The following CEP63 variants were observed in gnomAD, a reference collection of about 807,000 sequenced individuals.
CEP63 encodes the protein centrosomal protein 63.
CEP63 carries 84 observed loss-of-function variants against 89.1 expected under a neutral mutation model. The observed-to-expected ratio is 0.94, with a 90% CI of 0.79 to 1.13. CEP63 has a LOEUF of 1.13. Among genes scored for constraint, CEP63 ranks in the 50% most tolerant of loss-of-function variants. The pLI is 0.00. For missense variants in CEP63, 838 were observed against 813.3 expected (o/e 1.03, Z -0.37); for synonymous variants, 267 against 272.5 (o/e 0.98, Z 0.20).
intron 1 of CEP63, among the ~76,000 whole-genome samples, chr3:134,490,811 C>T (rs1247911413): frequency 6.6e-6 from 1 of 152,076 alleles, no homozygotes; most frequent in African/African-American, 2.4e-5. Context: ...ACATACCTTT[C>T]TTTCTTAGGT....
chr3:134,680,200 G>T, the CEP63 span, among the ~76,000 whole-genome samples: 4 of 152,148 alleles, frequency 2.6e-5, no homozygotes, highest in Non-Finnish European at 5.9e-5. Flanking sequence ...AGAGCTATGA[G>T]AAAACAAATT....
chr3:134,507,616 CTT>C (rs923134201), intron 3 of CEP63, among the ~76,000 whole-genome samples: 2 of 151,924 alleles, frequency 1.3e-5, no homozygotes, highest in Non-Finnish European at 2.9e-5. Flanking sequence ...ATGGAAATTG[CTT>C]TTGGCTTCAC....
chr3:134,734,558 A>T, the CEP63 span, among the ~76,000 whole-genome samples: 1 of 152,226 alleles, frequency 6.6e-6, no homozygotes, highest in Admixed American at 6.5e-5. Flanking sequence ...GCAGATATTT[A>T]AAAAATAAGC....
At chr3:134,654,203 G>T in the CEP63 span, among the ~76,000 whole-genome samples, 1 of 152,142 alleles carries the variant, frequency 6.6e-6, no homozygotes, top group African/African-American at 2.4e-5. Context: ...GCCCTGAGTT[G>T]GTTCTGCTGT....
At chr3:134,614,544 C>A in the CEP63 span, among the ~76,000 whole-genome samples, 1 of 151,902 alleles carries the variant, frequency 6.6e-6, no homozygotes, top group Non-Finnish European at 1.5e-5. Flanking sequence ...ACATGGCCAC[C>A]AAATGTGGCC....
chr3:134,626,571 C>T, the CEP63 span, among the ~76,000 whole-genome samples: 62 of 152,290 alleles, frequency 4.1e-4, no homozygotes, highest in African/African-American at 1.2e-3. Flanking sequence ...TTTGCCCACA[C>T]GTCGTCAGGG....
intron 10 of CEP63, among the ~76,000 whole-genome samples, chr3:134,581,815 A>G (rs1235248825): frequency 6.8e-6 from 1 of 147,562 alleles, no homozygotes; most frequent in Non-Finnish European, 1.5e-5. Flanking sequence ...AGCTGGGACT[A>G]CAGGCGCCCG....
the CEP63 span, among the ~76,000 whole-genome samples, chr3:134,637,396 T>C: frequency 9.2e-5 from 14 of 152,336 alleles, no homozygotes; most frequent in South Asian, 6.2e-4. Context: ...GGTACTTGAC[T>C]TCAAGATGCC....
the CEP63 span, among the ~76,000 whole-genome samples, chr3:134,705,630 T>G: frequency 2.0e-5 from 3 of 152,346 alleles, no homozygotes; most frequent in South Asian, 6.2e-4. Context: ...AGGATGATTC[T>G]CTTTCTTGTC....
the CEP63 span, among the ~76,000 whole-genome samples, chr3:134,772,161 TC>T: frequency 6.6e-6 from 1 of 152,154 alleles, no homozygotes; most frequent in Admixed American, 6.5e-5. Context: ...GAAATGTCAG[TC>T]TTGGCTGCCC....
chr3:134,704,726 G>T, the CEP63 span, among the ~76,000 whole-genome samples: 3 of 152,236 alleles, frequency 2.0e-5, no homozygotes, highest in African/African-American at 7.2e-5. Context: ...GAGCCAATCT[G>T]CCATCATGGT....
At chr3:134,503,319 A>C (rs2370641) in intron 2 of CEP63, among the ~76,000 whole-genome samples, 99,474 of 151,252 alleles carry the variant, frequency 0.66, 33,070 homozygotes, top group East Asian at 0.81. Context: ...GTATTTGTGC[A>C]GTTTCCAAAG....
At chr3:134,779,185 T>G in the CEP63 span, among the ~76,000 whole-genome samples, 1 of 152,172 alleles carries the variant, frequency 6.6e-6, no homozygotes, top group African/African-American at 2.4e-5. Flanking sequence ...ATAATAAATA[T>G]AGTGTACATA....
the CEP63 span, among the ~76,000 whole-genome samples, chr3:134,731,150 A>G: frequency 1.3e-5 from 2 of 152,206 alleles, no homozygotes; most frequent in Admixed American, 6.5e-5. Flanking sequence ...ACAAGGATAA[A>G]TTGACAAAGA....
the CEP63 span, among the ~76,000 whole-genome samples, chr3:134,721,743 C>G: frequency 6.6e-6 from 1 of 152,070 alleles, no homozygotes; most frequent in Admixed American, 6.6e-5. Flanking sequence ...TGCTTTCTGT[C>G]CTTTATTTTA....
In CEP63 at chr3:134,512,223, A is replaced by G. The variant is rs149289954; in HGVS notation, c.222+4937A>G. ...TTGTGCTGGATTGCTGTCTGTGAAT[A>G]ACTTCAGCCCACCTGCAAATCATAC... On this transcript the variant is annotated intron_variant, in intron 3 of 14. Coordinates refer to ENST00000675561, the MANE Select transcript of CEP63 (RefSeq NM_001353108.3). Among the ~76,000 whole-genome samples the G allele has an allele frequency of 9.0e-4, 137 of 152,336 alleles. 2 individuals are homozygous for G. Among genetic ancestry groups the G allele is most frequent in the African/African-American group, 3.1e-3 (128 of 41,576 alleles).
At chr3:134,619,619 C>T in the CEP63 span, among the ~76,000 whole-genome samples, 1 of 152,200 alleles carries the variant, frequency 6.6e-6, no homozygotes, top group Admixed American at 6.5e-5. Context: ...TCCTGCAGCC[C>T]GAAGGCCTCA....
Position 134,559,137 on chromosome 3 carries a change from A to G in CEP63, c.1674-13A>G. On this transcript the variant is annotated splice_polypyrimidine_tract_variant and intron_variant, in intron 13 of 14. Transcript: ENST00000675561. ...AATTTTTTATTTGTTTTGTTTTCTAATCTACCATCCAGGCCAACCCATGGC... is the reference window on the plus strand; with the variant it reads ...AATTTTTTATTTGTTTTGTTTTCTAGTCTACCATCCAGGCCAACCCATGGC... 1 of 1,613,106 alleles carries G rather than the reference A, an allele frequency of 6.2e-7. No homozygotes were observed. The highest frequency in any genetic ancestry group is 8.5e-7 in the Non-Finnish European group (1 of 1,179,718).
At chr3:134,678,117 C>T in the CEP63 span, among the ~76,000 whole-genome samples, 1 of 152,146 alleles carries the variant, frequency 6.6e-6, no homozygotes, top group Admixed American at 6.5e-5. Flanking sequence ...TTCTCAGATG[C>T]CCTCCCGCTG....
Sources: gnomAD v4.1 joint callset for allele counts (sites outside exome capture counted in the v4.1 genomes callset) on GRCh38, gnomAD v4.1.1 for gene constraint, MANE v1.5 for transcripts, NCBI Gene and HGNC (gene_info 2026-07-23, HGNC 2026-07-21) for gene names.